FAM83A: variants seen among roughly 807,000 people sequenced by gnomAD.
The protein encoded by FAM83A is scaffolding CK1 anchoring protein A, also known as protein FAM83A.
Under a neutral mutation model 24.4 loss-of-function variants are expected in FAM83A, and 21 were observed. That is an observed-to-expected ratio of 0.86 (90% CI 0.61 to 1.24). The LOEUF is 1.24. Among genes scored for constraint, FAM83A ranks in the 50% most tolerant of loss-of-function variants. FAM83A has a pLI of 0.00. For synonymous variants in FAM83A, 270 were observed against 252.4 expected, an observed-to-expected ratio of 1.07 and a Z score of -0.66; for missense variants, 617 against 579.8, an observed-to-expected ratio of 1.06 and a Z score of -0.66.
intron 2 of FAM83A, 89 bp downstream of exon 2, chr8:123,192,059 G>A (rs1170753631): frequency 8.4e-6 from 12 of 1,436,924 alleles, no homozygotes; most frequent in Middle Eastern, 2.1e-4. Flanking sequence ...CTCATCTTGT[G>A]TTAATAGCTT....
chr8:123,182,717 G>A, exon 1 of FAM83A: 1 of 1,226,086 alleles, frequency 8.2e-7, no homozygotes, highest in Non-Finnish European at 1.2e-6. Flanking sequence ...TCTTGGAGGT[G>A]CCCTGCACGC....
At chr8:123,204,261 T>A (rs927443975) in intron 3 of FAM83A, among the ~76,000 whole-genome samples, 29 of 152,006 alleles carry the variant, frequency 1.9e-4, no homozygotes, top group African/African-American at 5.8e-4. Flanking sequence ...CCCAAAAAAA[T>A]TTTTTTAAGA....
intron 2 of FAM83A, chr8:123,192,996 G>A (rs1824033034): frequency 6.6e-6 from 1 of 152,396 alleles, no homozygotes; most frequent in African/African-American, 2.4e-5. Context: ...GCTGGAGGCA[G>A]GACTGCCCTT....
At chr8:123,210,060 A>C in exon 4 of FAM83A, 1 of 157,306 alleles carries the variant, frequency 6.4e-6, no homozygotes, top group Non-Finnish European at 1.4e-5. Context: ...CAAGAAATAA[A>C]CCTTTGTTGT....
chr8:123,203,523 G>C (rs894304497), intron 3 of FAM83A, among the ~76,000 whole-genome samples: 1 of 149,144 alleles, frequency 6.7e-6, no homozygotes, highest in African/African-American at 2.5e-5. Flanking sequence ...AGGAGGCAGA[G>C]GTTGCAGTGA....
At position 123,209,395 on chromosome 8, in the gene FAM83A, T is replaced by A; in HGVS notation, c.*1707T>A. ...TTATTATTATTATTATTAATTATTGTATTCCTGTCCTTCACTTTTTTCCTC... is the reference window on the plus strand; with the variant it reads ...TTATTATTATTATTATTAATTATTGAATTCCTGTCCTTCACTTTTTTCCTC... On this transcript the variant is annotated 3_prime_UTR_variant, in exon 4 of 4. Transcript: ENST00000690554. This position sits in a 1 kb window ranked among gnomAD's most constrained non-coding sequence, Gnocchi z 4.7. 6.3e-7 allele frequency: 1 copy of A among 1,598,466 alleles called. No individual in the cohort carries two copies.
upstream of FAM83A, chr8:123,182,356 ATTC>A (rs1276591097): frequency 2.8e-6 from 1 of 356,372 alleles, no homozygotes; most frequent in Non-Finnish European, 5.6e-6. Context: ...CCACAGGGAA[ATTC>A]TTATCTTTGA....
At chr8:123,190,192 AAAAGAAAGAAAAG>A (rs937223329) in intron 1 of FAM83A, among the ~76,000 whole-genome samples, 3 of 152,106 alleles carry the variant, frequency 2.0e-5, no homozygotes, top group Non-Finnish European at 2.9e-5. Flanking sequence ...AGAGAGGAAG[AAAAGAAAGAAAAG>A]AAAGAAAGAA....
upstream of FAM83A, chr8:123,180,033 C>G (rs755688164): frequency 2.0e-5 from 3 of 152,200 alleles, no homozygotes; most frequent in Admixed American, 6.5e-5. Context: ...TGGGCTCTGC[C>G]ATTTACCAGC....
exon 1 of FAM83A, chr8:123,182,696 G>A (rs1004485948): frequency 1.2e-5 from 12 of 1,039,402 alleles, no homozygotes; most frequent in African/African-American, 3.2e-5. Context: ...TCAGGACAGC[G>A]GTAAATCACT....
Position 123,194,069 on chromosome 8 carries a change from T to G in FAM83A, c.694T>G (p.Ser232Ala), listed in dbSNP as rs780473549. 1.3e-5 allele frequency: 21 copies of G among 1,614,186 alleles called. No homozygotes were observed. The South Asian group carries it at 2.3e-4, about 18-fold the overall frequency. Residue 232 changes from serine (S) to alanine (A), a missense_variant, in exon 3 of 4, where the codon TCA becomes GCA. Transcript: ENST00000690554. ...GGAAGGAGAGATATACTGTGCCAAG[T>G]CAGGCAGGAAATTCGCTGGCCAAAT...
exon 1 of FAM83A, chr8:123,183,243 G>A: frequency 2.5e-6 from 4 of 1,613,342 alleles, no homozygotes; most frequent in Non-Finnish European, 3.4e-6. Context: ...AGCCCTACCT[G>A]AAGGAAAAAT....
intron 3 of FAM83A, among the ~76,000 whole-genome samples, chr8:123,206,038 G>A (rs1824541624): frequency 6.6e-6 from 1 of 151,898 alleles, no homozygotes; most frequent in Admixed American, 6.6e-5. Flanking sequence ...AGCTACTTGG[G>A]AGGTTGAGGC....
chr8:123,184,526 G>T (rs1823726055), intron 1 of FAM83A, among the ~76,000 whole-genome samples: 2 of 152,048 alleles, frequency 1.3e-5, no homozygotes, highest in Non-Finnish European at 2.9e-5. Flanking sequence ...CAAGCCCAGA[G>T]CTGGGCTGGT....
chr8:123,191,438 C>A (rs1401904537), intron 1 of FAM83A, among the ~76,000 whole-genome samples: 1 of 152,168 alleles, frequency 6.6e-6, no homozygotes, highest in Non-Finnish European at 1.5e-5. Context: ...GAATCCATAA[C>A]CTTAACTTTA....
chr8:123,183,510 C>T (rs1823686518), intron 1 of FAM83A, among the ~76,000 whole-genome samples, 174 bp downstream of exon 1: 1 of 152,106 alleles, frequency 6.6e-6, no homozygotes, highest in Non-Finnish European at 1.5e-5. Context: ...CCTGATCCCA[C>T]CTGTCACAGC....
exon 4 of FAM83A, chr8:123,208,965 GAAAAAAA>G: frequency 1.3e-5 from 12 of 908,270 alleles, no homozygotes; most frequent in Non-Finnish European, 1.5e-5. Flanking sequence ...CTCCGTCACA[GAAAAAAA>G]AAAAAAAAAG....
upstream of FAM83A, chr8:123,182,643 G>A (rs1054334894): frequency 1.0e-5 from 8 of 795,828 alleles, no homozygotes; most frequent in African/African-American, 1.2e-4. Flanking sequence ...TGAGAGATAA[G>A]CCAATCCCGC....
exon 4 of FAM83A, chr8:123,208,348 G>C: frequency 1.0e-6 from 1 of 985,690 alleles, no homozygotes. Context: ...GGAGTTTGGG[G>C]TGTTGGGTTG....
Sources: allele counts gnomAD v4.1 joint callset (sites outside exome capture counted in the v4.1 genomes callset), GRCh38; gene constraint gnomAD v4.1.1; non-coding constraint Gnocchi (gnomAD v3.1); transcripts MANE v1.5; gene names NCBI Gene and HGNC (gene_info 2026-07-23, HGNC 2026-07-21).